ADGB: variants seen among roughly 807,000 people sequenced by gnomAD.
ADGB encodes androglobin, also known as calpain-7-like protein.
A neutral mutation model predicts 210.5 loss-of-function variants in ADGB; 172 were observed. The ratio of observed to expected loss-of-function variants is 0.82; its 90% CI spans 0.72 to 0.93. The LOEUF is 0.93. Ranked by LOEUF, ADGB falls within the 40% of genes least tolerant of loss-of-function variation. The pLI is 0.00. For missense variants in ADGB, 2,025 were observed against 1,964.8 expected (o/e 1.03, Z -0.58); for synonymous variants, 658 against 662.7 (o/e 0.99, Z 0.11).
intron 32 of ADGB, among the ~76,000 whole-genome samples, chr6:146,787,476 G>T (rs1220271065): frequency 6.6e-6 from 1 of 152,046 alleles, no homozygotes; most frequent in Non-Finnish European, 1.5e-5. Flanking sequence ...CATTTTATAA[G>T]AAATTTGTCT....
At chr6:146,664,864 C>T (rs1474656957) in intron 6 of ADGB, among the ~76,000 whole-genome samples, 1 of 152,006 alleles carries the variant, frequency 6.6e-6, no homozygotes, top group East Asian at 1.9e-4. Flanking sequence ...AGTATTCTTA[C>T]AAAATTGGTT....
chr6:146,746,079 A>G lies in ADGB; in HGVS notation c.3335A>G (p.Tyr1112Cys), dbSNP rs1010493115. Residue 1112 changes from tyrosine to cysteine, a missense_variant, in exon 26 of 36, where the codon TAC (tyrosine) becomes TGC (cysteine). By Grantham distance (194) the Tyr-to-Cys change is radical. Transcript: ENST00000397944. ...GCCATAAAGGAAATCCGAGATTACT[A>G]CATACCCAATGATAAGAAAATTTTA... Reference protein sequence around the residue: ...SFAIKEIRDYYIPNDKKILFR... With the variant: ...SFAIKEIRDYCIPNDKKILFR... 7.1e-6 allele frequency: 11 copies of G among 1,547,378 alleles called. No homozygotes were observed. The Admixed American group carries it at 2.0e-4, about 28-fold the overall frequency.
intron 4 of ADGB, among the ~76,000 whole-genome samples, chr6:146,654,494 A>C (rs1775752259): frequency 6.6e-6 from 1 of 151,996 alleles, no homozygotes; most frequent in African/African-American, 2.4e-5. Flanking sequence ...CTGGGACTAC[A>C]GGGATGTGCC....
intron 6 of ADGB, 70 bp from the exon 7 acceptor site, chr6:146,666,746 C>T (rs1775941164): frequency 1.2e-5 from 11 of 911,062 alleles, no homozygotes; most frequent in Non-Finnish European, 1.9e-5. Flanking sequence ...ATTAATGATT[C>T]CTAGTTCTTA....
In ADGB at chr6:146,726,124, A is replaced by G. The variant is rs766939324; in HGVS notation, c.2279A>G (p.His760Arg). ...TTCAACGCATACTCCCCAGTAGGACACTCCATACACATCTGCAGCATGGTG... is the reference window on the plus strand; with the variant it reads ...TTCAACGCATACTCCCCAGTAGGACGCTCCATACACATCTGCAGCATGGTG... ...LLFNAYSPVG[H>R]SIHICSMVSF... Residue 760 changes from histidine to arginine, a missense_variant, in exon 19 of 36, where the codon CAC becomes CGC. By Grantham distance (29) the His-to-Arg change is conservative. Coordinates refer to ENST00000397944, the MANE Select transcript of ADGB (RefSeq NM_024694.4). 1.9e-6 allele frequency: 3 copies of G among 1,548,478 alleles called. No individual in the cohort carries two copies. The South Asian group carries it at 3.6e-5, about 18-fold the overall frequency.
chr6:146,789,182 T>G (rs1037512669), intron 33 of ADGB, among the ~76,000 whole-genome samples: 1 of 152,184 alleles, frequency 6.6e-6, no homozygotes, highest in Admixed American at 6.5e-5. Context: ...CAACTCCTTC[T>G]GTCTTAAAGG....
At position 146,786,384 on chromosome 6, in the gene ADGB, C is replaced by T. The variant is rs148749073; in HGVS notation, c.4315+672C>T. On this transcript the variant is annotated intron_variant, in intron 32 of 35. Transcript: ENST00000397944. ...ACATCGATTGCCACACTGAGGTGTC[C>T]GTGGAGGCAGAAGGCGTTCACATCC... Among the ~76,000 whole-genome samples the T allele has an allele frequency of 7.9e-5, 12 of 151,804 alleles. No individual in the cohort carries two copies. The East Asian group carries it at 9.7e-4, about 12-fold the overall frequency.
chr6:146,666,933 AT>A lies in ADGB; in HGVS notation c.839+39del, dbSNP rs752971467. 824 of 1,434,252 alleles carry A rather than the reference AT, an allele frequency of 5.7e-4. 2 individuals carry two copies. Among genetic ancestry groups the A allele is most frequent in the Middle Eastern group, 3.4e-3 (19 of 5,620 alleles). 88.8% of individuals were successfully genotyped at this position (1,434,252 alleles called of 1,614,324 possible). ...TTTGACTATTAAATTGCTCATATCT[AT>A]TTTTTTTATCTTCCCAAGATTTCTT... On this transcript the variant is annotated intron_variant, in intron 7 of 35. Transcript: ENST00000397944.
At chr6:146,705,663 G>A (rs927352222) in intron 13 of ADGB, among the ~76,000 whole-genome samples, 2 of 152,076 alleles carry the variant, frequency 1.3e-5, no homozygotes, top group Admixed American at 1.3e-4. Flanking sequence ...TTAATGTGCT[G>A]TTGAATTATG....
Position 146,801,847 on chromosome 6 carries a change from C to T in ADGB, c.4654C>T (p.Leu1552=), listed in dbSNP as rs1778138626. ...QYVRKTDTDP[L]LQTDELNQQQ... is the part of the protein sequence containing the mutation. Reference sequence around the variant, plus strand: ...ATCAAGGAAAACAGATACAGATCCTCTGCTGCAAACAGATGAATTGAATCA... The same window carrying T: ...ATCAAGGAAAACAGATACAGATCCTTTGCTGCAAACAGATGAATTGAATCA... The change falls in exon 35 of 36, where the codon CTG becomes TTG. Residue 1552 remains leucine (L), a synonymous_variant. Coordinates refer to ENST00000397944, the MANE Select transcript of ADGB (RefSeq NM_024694.4). The T allele has an allele frequency of 6.5e-7, 1 of 1,545,392 alleles. No individual in the cohort carries two copies. The highest frequency in any genetic ancestry group is 8.7e-7 in the Non-Finnish European group (1 of 1,144,264).
Position 146,676,719 on chromosome 6 carries a change from T to C in ADGB, c.1216+278T>C, listed in dbSNP as rs185548583. On this transcript the variant is annotated intron_variant, in intron 9 of 35. Coordinates refer to ENST00000397944, the MANE Select transcript of ADGB (RefSeq NM_024694.4). Reference sequence around the variant, plus strand: ...CGCTTTCAGGTATTTCTCTAAAAAATACTCAGGTTGAATTTATCATCCAAA... The same window carrying C: ...CGCTTTCAGGTATTTCTCTAAAAAACACTCAGGTTGAATTTATCATCCAAA... Among the ~76,000 whole-genome samples, 31 of 152,252 alleles carry C rather than the reference T, an allele frequency of 2.0e-4. No individual in the cohort carries two copies. The East Asian group carries it at 5.2e-3, about 26-fold the overall frequency.
At chr6:146,669,789 CT>C (rs999030102) in intron 7 of ADGB, among the ~76,000 whole-genome samples, 3 of 152,068 alleles carry the variant, frequency 2.0e-5, no homozygotes, top group Non-Finnish European at 4.4e-5. Context: ...ATTGCCCGAA[CT>C]CTAGACTGTA....
At chr6:146,734,771 A>C (rs1321407753) in intron 22 of ADGB, among the ~76,000 whole-genome samples, 1 of 152,058 alleles carries the variant, frequency 6.6e-6, no homozygotes, top group Non-Finnish European at 1.5e-5. Flanking sequence ...TTAGCCAGGC[A>C]TGGTGGCATG....
At position 146,788,505 on chromosome 6, in the gene ADGB, A is replaced by T; in HGVS notation, c.4432A>T (p.Thr1478Ser). The T allele has an allele frequency of 2.6e-6, 4 of 1,551,648 alleles. No individual in the cohort carries two copies. The highest frequency in any genetic ancestry group is 3.5e-6 in the Non-Finnish European group (4 of 1,146,938). Residue 1478 changes from threonine (T) to serine (S), a missense_variant, in exon 33 of 36, where the codon ACC becomes TCC. Coordinates refer to ENST00000397944, the MANE Select transcript of ADGB (RefSeq NM_024694.4). ...GSAVWKKWQL[T>S]KGLRDVAKST... is the part of the protein sequence containing the mutation. ...TGCGGTGTGGAAGAAGTGGCAATTGACCAAAGGCTTGAGGGATGTGGCAAA... is the reference window on the plus strand; with the variant it reads ...TGCGGTGTGGAAGAAGTGGCAATTGTCCAAAGGCTTGAGGGATGTGGCAAA...
chr6:146,682,092 GA>G (rs1482062368), intron 9 of ADGB, among the ~76,000 whole-genome samples: 2 of 151,916 alleles, frequency 1.3e-5, no homozygotes, highest in East Asian at 3.9e-4. Flanking sequence ...TATCACATCT[GA>G]AAAAAATCAT....
At chr6:146,621,996 G>A (rs1210441061) in intron 1 of ADGB, among the ~76,000 whole-genome samples, 1 of 151,984 alleles carries the variant, frequency 6.6e-6, no homozygotes, top group Admixed American at 6.6e-5. Context: ...TATTTTACAT[G>A]GCCACCAGCA....
intron 10 of ADGB, among the ~76,000 whole-genome samples, chr6:146,686,442 A>G (rs1693707178): frequency 6.6e-6 from 1 of 151,988 alleles, no homozygotes; most frequent in Non-Finnish European, 1.5e-5. Flanking sequence ...TTTTTCTTCT[A>G]TATTCTGTGT....
intron 34 of ADGB, 139 bp downstream of exon 34, chr6:146,801,418 A>G: frequency 2.2e-6 from 1 of 458,910 alleles, no homozygotes. Flanking sequence ...TTTCTATCAC[A>G]CCTGCTACCA....
chr6:146,801,345 C>T (rs1480689891), intron 34 of ADGB, 66 bp downstream of exon 34: 4 of 1,022,326 alleles, frequency 3.9e-6, no homozygotes, highest in Admixed American at 7.2e-5. Context: ...TATTAAAATA[C>T]TTAAATGTTT....
Sources: gnomAD v4.1 joint callset for allele counts (sites outside exome capture counted in the v4.1 genomes callset) on GRCh38, gnomAD v4.1.1 for gene constraint, MANE v1.5 for transcripts, NCBI Gene and HGNC (gene_info 2026-07-23, HGNC 2026-07-21) for gene names.